SHISA9: variants seen among roughly 807,000 people sequenced by gnomAD.
SHISA9 encodes the protein protein shisa-9.
SHISA9 carries 13 observed loss-of-function variants against 38.0 expected under a neutral mutation model. The observed-to-expected ratio is 0.34, with a 90% CI of 0.22 to 0.54. The LOEUF is 0.54. SHISA9 is among the 20% of genes least tolerant of loss of function. The pLI, the probability that SHISA9 is intolerant of heterozygous loss-of-function variation, is 0.91. For missense variants in SHISA9, 538 were observed against 575.8 expected (o/e 0.93, Z 0.67); for synonymous variants, 275 against 242.0 (o/e 1.14, Z -1.27).
intron 2 of SHISA9, among the ~76,000 whole-genome samples, chr16:12,993,822 T>A (rs1224254223): frequency 6.6e-6 from 1 of 151,878 alleles, no homozygotes; most frequent in African/African-American, 2.4e-5. Context: ...GGAAGGTGAA[T>A]AGGAGGAAGC....
chr16:13,098,296 C>T (rs555774197), intron 2 of SHISA9, among the ~76,000 whole-genome samples: 9 of 152,330 alleles, frequency 5.9e-5, no homozygotes, highest in South Asian at 4.1e-4. Flanking sequence ...TGGATTGCCA[C>T]GAATCCCATT....
At chr16:13,540,385 C>T in the SHISA9 span, among the ~76,000 whole-genome samples, 2 of 152,180 alleles carry the variant, frequency 1.3e-5, no homozygotes, top group Non-Finnish European at 2.9e-5. Flanking sequence ...AGAAGTGCAG[C>T]CCTCAGCCAA....
At chr16:13,168,405 A>T (rs1439908768) in intron 2 of SHISA9, among the ~76,000 whole-genome samples, 1 of 152,208 alleles carries the variant, frequency 6.6e-6, no homozygotes, top group African/African-American at 2.4e-5. Context: ...ATGGCCTCCA[A>T]CATTACCATA....
the SHISA9 span, among the ~76,000 whole-genome samples, chr16:13,358,026 G>T: frequency 6.6e-6 from 1 of 152,106 alleles, no homozygotes; most frequent in African/African-American, 2.4e-5. Flanking sequence ...GGTCACAGGG[G>T]ATGTGATGGC....
At chr16:13,526,716 CT>C in the SHISA9 span, among the ~76,000 whole-genome samples, 2 of 152,170 alleles carry the variant, frequency 1.3e-5, no homozygotes, top group African/African-American at 2.4e-5. Flanking sequence ...TGGTTCTCCC[CT>C]CTACACATAT....
intron 2 of SHISA9, among the ~76,000 whole-genome samples, chr16:13,186,444 C>T (rs1443624813): frequency 6.6e-6 from 1 of 151,664 alleles, no homozygotes; most frequent in Non-Finnish European, 1.5e-5. Context: ...ATTACAGGTG[C>T]ATGCCACCAC....
chr16:13,538,559 T>C, the SHISA9 span, among the ~76,000 whole-genome samples: 2 of 152,194 alleles, frequency 1.3e-5, no homozygotes, highest in East Asian at 3.8e-4. Flanking sequence ...CCAAAGGCAA[T>C]GTATGTTTTT....
intron 2 of SHISA9, among the ~76,000 whole-genome samples, chr16:13,167,316 C>T (rs2050646381): frequency 6.6e-6 from 1 of 152,154 alleles, no homozygotes; most frequent in Non-Finnish European, 1.5e-5. Flanking sequence ...AGGTGATCCA[C>T]CCACCTTGGC....
At chr16:13,116,313 A>C (rs768694037) in intron 2 of SHISA9, among the ~76,000 whole-genome samples, 4 of 152,158 alleles carry the variant, frequency 2.6e-5, no homozygotes, top group Non-Finnish European at 2.9e-5. Flanking sequence ...CCAGGTTCTC[A>C]TTCATGGACA....
At chr16:13,123,067 T>C (rs2050227561) in intron 2 of SHISA9, among the ~76,000 whole-genome samples, 1 of 152,184 alleles carries the variant, frequency 6.6e-6, no homozygotes, top group Non-Finnish European at 1.5e-5. Context: ...TTATTATCAT[T>C]TCTGTTTTAT....
chr16:13,212,256 C>G (rs1201284738), intron 3 of SHISA9, among the ~76,000 whole-genome samples: 1 of 152,150 alleles, frequency 6.6e-6, no homozygotes, highest in African/African-American at 2.4e-5. Flanking sequence ...AGAGCTAGGA[C>G]CACACGCTGA....
chr16:13,520,810 G>A, the SHISA9 span, among the ~76,000 whole-genome samples: 5 of 151,916 alleles, frequency 3.3e-5, no homozygotes, highest in African/African-American at 4.8e-5. Context: ...TATTACCAGC[G>A]CAAGAGATTA....
At chr16:12,904,157 C>T (rs1201616029) in intron 1 of SHISA9, among the ~76,000 whole-genome samples, 1 of 152,124 alleles carries the variant, frequency 6.6e-6, no homozygotes, top group African/African-American at 2.4e-5. Context: ...GCCCCACCGG[C>T]CAGGCCAGTC....
At chr16:13,024,455 C>A (rs1489383500) in intron 2 of SHISA9, among the ~76,000 whole-genome samples, 2 of 152,206 alleles carry the variant, frequency 1.3e-5, no homozygotes, top group Non-Finnish European at 2.9e-5. Context: ...AGATGCAACA[C>A]CCTTTTTGGC....
chr16:13,303,748 T>C, the SHISA9 span, among the ~76,000 whole-genome samples: 3 of 152,210 alleles, frequency 2.0e-5, no homozygotes, highest in Admixed American at 6.5e-5. Context: ...TTTTGCTATA[T>C]GCATTTTACC....
chr16:13,390,571 G>A, the SHISA9 span, among the ~76,000 whole-genome samples: 3 of 152,170 alleles, frequency 2.0e-5, no homozygotes, highest in Admixed American at 6.5e-5. Flanking sequence ...ACTAAGTCAC[G>A]TTTAAGAGCA....
At chr16:13,169,147 T>A (rs1406871544) in intron 2 of SHISA9, among the ~76,000 whole-genome samples, 2 of 152,200 alleles carry the variant, frequency 1.3e-5, no homozygotes, top group Non-Finnish European at 1.5e-5. Context: ...GGCCATTTCC[T>A]TTGTCTTACA....
intron 2 of SHISA9, among the ~76,000 whole-genome samples, chr16:13,054,280 G>C (rs1453734852): frequency 2.0e-5 from 3 of 152,102 alleles, no homozygotes; most frequent in Admixed American, 2.0e-4. Flanking sequence ...CACCTTACAG[G>C]GTGGATGCAA....
the SHISA9 span, among the ~76,000 whole-genome samples, chr16:13,402,735 A>G: frequency 6.6e-6 from 1 of 152,076 alleles, no homozygotes; most frequent in East Asian, 1.9e-4. Flanking sequence ...AGACGAACCC[A>G]GGAATAATGT....
Sources: gnomAD v4.1 joint callset for allele counts (sites outside exome capture counted in the v4.1 genomes callset) on GRCh38, gnomAD v4.1.1 for gene constraint, MANE v1.5 for transcripts, NCBI Gene and HGNC (gene_info 2026-07-23, HGNC 2026-07-21) for gene names.